The following RASGRF1 variants were observed in gnomAD, a reference collection of about 807,000 sequenced individuals.
RASGRF1 encodes the protein ras-specific guanine nucleotide-releasing factor 1.
A neutral mutation model predicts 138.7 loss-of-function variants in RASGRF1; 40 were observed. The ratio of observed to expected loss-of-function variants is 0.29; its 90% CI spans 0.22 to 0.38. RASGRF1 has a LOEUF of 0.38. Ranked by LOEUF, RASGRF1 falls within the 10% of genes least tolerant of loss-of-function variation. RASGRF1 has a pLI of 1.00. For missense variants in RASGRF1, 1,108 were observed against 1,650.4 expected, an observed-to-expected ratio of 0.67 and a Z score of 5.69; for synonymous variants, 614 against 663.2, an observed-to-expected ratio of 0.93 and a Z score of 1.14.
intron 26 of RASGRF1, among the ~76,000 whole-genome samples, chr15:78,971,332 G>C (rs922036900): frequency 2.0e-5 from 3 of 152,186 alleles, no homozygotes; most frequent in African/African-American, 7.2e-5. Context: ...GAATAAGGAT[G>C]CTTCTATTTT....
At position 79,004,028 on chromosome 15, in the gene RASGRF1, G is replaced by A. The variant is rs751257301; in HGVS notation, c.2223C>T (p.Leu741=). 3.1e-6 allele frequency: 5 copies of A among 1,614,078 alleles called. No individual in the cohort carries two copies. The South Asian group carries it at 4.4e-5, about 14-fold the overall frequency. Residue 741 remains leucine (L), a synonymous_variant, in exon 15 of 27, where the codon CTC becomes CTT. Coordinates refer to ENST00000558480, the MANE Select transcript of RASGRF1 (RefSeq NM_001145648.3). ...CAGTGATGATGGGGATGTTCAGGGA[G>A]AGCTTCCGCCGGCGGCTCGGTGACG... ...KTSSPSRRRK[L]SLNIPIITGG... is the part of the protein sequence containing the mutation.
intron 24 of RASGRF1, among the ~76,000 whole-genome samples, chr15:78,974,095 C>T (rs2055825874): frequency 6.6e-6 from 1 of 152,170 alleles, no homozygotes; most frequent in Non-Finnish European, 1.5e-5. Flanking sequence ...AGTGATGGGC[C>T]ATGCCTCTCT....
Position 78,985,151 on chromosome 15 carries a change from C to T in RASGRF1, c.3270G>A (p.Arg1090=). ...CCACCCACTTCTCGATGGCGCTCACCCTGGCGTTGATGTCCTCATTGCGGA... is the reference window on the plus strand; with the variant it reads ...CCACCCACTTCTCGATGGCGCTCACTCTGGCGTTGATGTCCTCATTGCGGA... ...EIIRNEDINA[R]VSAIEKWVAV... The change falls in exon 23 of 27, where the codon AGG becomes AGA. Residue 1090 remains arginine (R), a synonymous_variant. Transcript: ENST00000558480. 1.2e-6 allele frequency: 2 copies of T among 1,613,612 alleles called. No homozygotes were observed. Among genetic ancestry groups the T allele is most frequent in the East Asian group, 2.2e-5 (1 of 44,886 alleles).
chr15:78,997,971 T>C, intron 19 of RASGRF1, 125 bp downstream of exon 19: 4 of 765,938 alleles, frequency 5.2e-6, no homozygotes, highest in Non-Finnish European at 6.7e-6. Context: ...GCACTCCTAC[T>C]TGGGGCTGTC....
chr15:79,047,057 CCTTCCAGG>C, intron 4 of RASGRF1, 58 bp from the exon 5 acceptor site: 2 of 1,575,842 alleles, frequency 1.3e-6, no homozygotes, highest in Non-Finnish European at 1.7e-6. Flanking sequence ...CCACTCCTGT[CCTTCCAGG>C]CTGTGAGCTC....
chr15:78,983,943 G>A (rs982598023), intron 23 of RASGRF1, among the ~76,000 whole-genome samples: 2 of 152,242 alleles, frequency 1.3e-5, no homozygotes, highest in Non-Finnish European at 2.9e-5. Flanking sequence ...TAGTCCTGCT[G>A]TCATCAGGGG....
intron 13 of RASGRF1, chr15:79,012,674 G>C (rs1397605678): frequency 1.6e-6 from 2 of 1,280,336 alleles, no homozygotes; most frequent in Non-Finnish European, 2.2e-6. Context: ...TTTTATTTTT[G>C]TTTCATCCGC....
At chr15:79,038,247 C>T (rs868691425) in intron 5 of RASGRF1, among the ~76,000 whole-genome samples, 1 of 152,132 alleles carries the variant, frequency 6.6e-6, no homozygotes, top group Non-Finnish European at 1.5e-5. Context: ...CTAGCCATTC[C>T]CAGACAGCTT....
At chr15:79,064,885 A>G (rs2057656085) in intron 1 of RASGRF1, among the ~76,000 whole-genome samples, 1 of 152,228 alleles carries the variant, frequency 6.6e-6, no homozygotes, top group Admixed American at 6.5e-5. Flanking sequence ...TACCAATTCA[A>G]TGCAGCATGT....
At chr15:79,079,448 GA>G (rs1392693832) in intron 1 of RASGRF1, among the ~76,000 whole-genome samples, 1 of 90,624 alleles carries the variant, frequency 1.1e-5, no homozygotes, top group Non-Finnish European at 2.2e-5. Flanking sequence ...CCCTCAAGAA[GA>G]GACTGGCCAA....
chr15:78,976,235 A>G (rs1002704724), intron 24 of RASGRF1, among the ~76,000 whole-genome samples: 1 of 152,080 alleles, frequency 6.6e-6, no homozygotes, highest in African/African-American at 2.4e-5. Context: ...AATCACTTGC[A>G]AGTAGCACGC....
intron 4 of RASGRF1, 110 bp downstream of exon 4, chr15:79,049,386 G>C (rs948955647): frequency 4.0e-5 from 39 of 975,590 alleles, no homozygotes; most frequent in Non-Finnish European, 5.7e-5. Context: ...GTTGGGGGAT[G>C]GGGGGCACGC....
intron 2 of RASGRF1, among the ~76,000 whole-genome samples, chr15:79,059,247 CCCTA>C (rs2057555999): frequency 1.2e-5 from 1 of 83,334 alleles, no homozygotes; most frequent in Non-Finnish European, 2.3e-5. Context: ...CCCTTCCCTT[CCCTA>C]TCCTTCCCTT....
At chr15:79,000,577 G>A (rs2056500708) in intron 16 of RASGRF1, among the ~76,000 whole-genome samples, 1 of 152,126 alleles carries the variant, frequency 6.6e-6, no homozygotes, top group Non-Finnish European at 1.5e-5. Context: ...AAATGCCATG[G>A]AATATCATTG....
chr15:78,996,027 G>A (rs2056384678), intron 19 of RASGRF1, among the ~76,000 whole-genome samples: 1 of 152,206 alleles, frequency 6.6e-6, no homozygotes, highest in East Asian at 1.9e-4. Flanking sequence ...TGGGCTTCCT[G>A]CATCTGGCTG....
In RASGRF1 at chr15:79,018,376, G is replaced by A. The variant is rs191459565; in HGVS notation, c.1607-470C>T. Among the ~76,000 whole-genome samples, 16 of 152,326 alleles carry A rather than the reference G, an allele frequency of 1.1e-4. No individual in the cohort carries two copies. The East Asian group carries it at 2.9e-3, about 28-fold the overall frequency. ...GGCTGGACATTTAGTTCAGTTTAGA[G>A]CTCCCCAAAGCAAAAGTGAATTCTA... On this transcript the variant is annotated intron_variant, in intron 11 of 26. Transcript: ENST00000558480.
rs2230518 is a variant in RASGRF1, at chr15:78,985,169, A to G, written c.3252T>C (p.Asn1084=). The G allele has an allele frequency of 0.27, 441,504 of 1,611,868 alleles. 62,195 individuals are homozygous for G. The highest frequency in any genetic ancestry group is 0.41 in the African/African-American group (30,861 of 74,924). ...CGCTCACCCTGGCGTTGATGTCCTC[A>G]TTGCGGATGATTTCTGAAGCAATCA... ...SNLIASEIIR[N]EDINARVSAI... Residue 1084 remains asparagine, a synonymous_variant, in exon 23 of 27, where the codon AAT becomes AAC. Coordinates refer to ENST00000558480, the MANE Select transcript of RASGRF1 (RefSeq NM_001145648.3).
At chr15:78,980,476 C>T in intron 24 of RASGRF1, 144 bp downstream of exon 24, 1 of 573,958 alleles carries the variant, frequency 1.7e-6, no homozygotes. Flanking sequence ...CATTGGGGTC[C>T]AGGAAATCTA....
intron 20 of RASGRF1, among the ~76,000 whole-genome samples, chr15:78,993,845 C>T (rs117369765): frequency 0.015 from 2,353 of 152,252 alleles, 27 homozygotes; most frequent in Middle Eastern, 0.024. Flanking sequence ...TGGCTCCTTC[C>T]GCTCACTTCT....
Sources: allele counts gnomAD v4.1 joint callset (sites outside exome capture counted in the v4.1 genomes callset), GRCh38; gene constraint gnomAD v4.1.1; transcripts MANE v1.5; gene names NCBI Gene and HGNC (gene_info 2026-07-23, HGNC 2026-07-21).